Variants in ITPRID1 observed in about 807,000 individuals in gnomAD.
ITPRID1 encodes protein ITPRID1.
Under a neutral mutation model 95.4 loss-of-function variants are expected in ITPRID1, and 96 were observed. The observed-to-expected ratio is 1.01, with a 90% CI of 0.85 to 1.19. The LOEUF (loss-of-function observed/expected upper bound fraction) is 1.19, where lower values mean the gene tolerates loss of function less well. ITPRID1 is among the 50% of genes most tolerant of loss of function. ITPRID1 has a pLI of 0.00. For missense variants in ITPRID1, 1,339 were observed against 1,252.9 expected, an observed-to-expected ratio of 1.07 and a Z score of -1.04; for synonymous variants, 510 against 453.6, an observed-to-expected ratio of 1.12 and a Z score of -1.58.
At chr7:31,521,911 T>A (rs1783275491) in intron 1 of ITPRID1, among the ~76,000 whole-genome samples, 1 of 97,404 alleles carries the variant, frequency 1.0e-5, no homozygotes, top group South Asian at 3.3e-4. Context: ...TTAATTTTTT[T>A]TTTTTTTTTT....
At chr7:31,557,036 C>T (rs951434867) in intron 5 of ITPRID1, among the ~76,000 whole-genome samples, 1 of 151,860 alleles carries the variant, frequency 6.6e-6, no homozygotes, top group Non-Finnish European at 1.5e-5. Context: ...GACTTCATCT[C>T]TACATGGCTT....
chr7:31,651,041 C>CG, intron 12 of ITPRID1, 101 bp from the exon 13 acceptor site: 2 of 1,383,568 alleles, frequency 1.4e-6, no homozygotes, highest in East Asian at 4.9e-5. Context: ...GGCCTGTTTG[C>CG]GAAAAAAGGG....
In ITPRID1 at chr7:31,625,831, A is replaced by AT. The variant is rs568565878; in HGVS notation, c.1229-16339dup. On this transcript the variant is annotated intron_variant, in intron 10 of 14. Coordinates refer to ENST00000615280, the MANE Select transcript of ITPRID1 (RefSeq NM_001257967.3). ...TTCCTTAGAATGTCTTTTTTTTTAA[A>AT]TTTTTTCTTTATAAAGCTATTTTAT... Among the ~76,000 whole-genome samples the AT allele has an allele frequency of 3.6e-3, 550 of 151,802 alleles. 1 individual carries two copies. Among genetic ancestry groups the AT allele is most frequent in the Middle Eastern group, 6.8e-3 (2 of 292 alleles).
intron 9 of ITPRID1, among the ~76,000 whole-genome samples, chr7:31,582,589 T>C (rs1018940005): frequency 2.0e-5 from 3 of 152,176 alleles, no homozygotes; most frequent in Non-Finnish European, 4.4e-5. Flanking sequence ...TCAGTTTCTA[T>C]AATTAGCTGT....
chr7:31,559,874 C>T (rs944417758), intron 5 of ITPRID1, among the ~76,000 whole-genome samples: 1 of 152,134 alleles, frequency 6.6e-6, no homozygotes, highest in Admixed American at 6.5e-5. Context: ...ATTTCCTTGC[C>T]CACAGGAACA....
At chr7:31,585,553 T>C (rs1025865846) in intron 10 of ITPRID1, among the ~76,000 whole-genome samples, 8 of 152,096 alleles carry the variant, frequency 5.3e-5, no homozygotes, top group African/African-American at 1.9e-4. Context: ...GACTAGGACT[T>C]TGTGTGGGAT....
chr7:31,639,772 G>A lies in ITPRID1; in HGVS notation c.1229-2404G>A, dbSNP rs946404603. On this transcript the variant is annotated intron_variant, in intron 10 of 14. Transcript: ENST00000615280. ...AGGCTCGTCTTGAACTCCTGACCTC[G>A]TGATCTGCCTGCCTCAGCCTCCCAA... Among the ~76,000 whole-genome samples, 4 of 151,860 alleles carry A rather than the reference G, an allele frequency of 2.6e-5. No homozygotes were observed. In the South Asian group the frequency reaches 6.3e-4, roughly 24 times the overall value.
chr7:31,563,732 C>T (rs543764991), intron 5 of ITPRID1, among the ~76,000 whole-genome samples: 1 of 151,706 alleles, frequency 6.6e-6, no homozygotes, highest in African/African-American at 2.4e-5. Context: ...TGAACTCAGG[C>T]TTGAGGTGAC....
rs1791184252 is a variant in ITPRID1 at position 31,654,299 on chromosome 7, C to A, written c.*1470C>A. Reference sequence around the variant, plus strand: ...AGAAGGAATGGAAAGTTAACAGGCCCCCAGATGTAGAGATAGCCAGTGCTG... The same window carrying A: ...AGAAGGAATGGAAAGTTAACAGGCCACCAGATGTAGAGATAGCCAGTGCTG... On this transcript the variant is annotated 3_prime_UTR_variant, in exon 15 of 15. Transcript: ENST00000615280. Among the ~76,000 whole-genome samples, 1 of 152,002 alleles carries A rather than the reference C, an allele frequency of 6.6e-6. No homozygotes were observed. Among genetic ancestry groups the A allele is most frequent in the Admixed American group, 6.6e-5 (1 of 15,262 alleles).
intron 5 of ITPRID1, among the ~76,000 whole-genome samples, chr7:31,565,214 G>A (rs558910174): frequency 3.6e-4 from 55 of 152,152 alleles, no homozygotes; most frequent in African/African-American, 1.3e-3. Flanking sequence ...TTGGTCTCCC[G>A]GGACCCTGGG....
chr7:31,549,076 G>A (rs1456926035), intron 1 of ITPRID1, among the ~76,000 whole-genome samples: 1 of 152,132 alleles, frequency 6.6e-6, no homozygotes, highest in Non-Finnish European at 1.5e-5. Flanking sequence ...TTTGGATGCA[G>A]AATGCCTCGG....
intron 10 of ITPRID1, among the ~76,000 whole-genome samples, chr7:31,627,184 C>T (rs1314411233): frequency 1.3e-5 from 2 of 152,184 alleles, no homozygotes; most frequent in Non-Finnish European, 1.5e-5. Flanking sequence ...CCCCGTTGTC[C>T]ATGCAGTGCC....
chr7:31,561,679 C>T (rs758781762), intron 5 of ITPRID1, among the ~76,000 whole-genome samples: 1 of 152,192 alleles, frequency 6.6e-6, no homozygotes, highest in Non-Finnish European at 1.5e-5. Context: ...ATCTTAGCTG[C>T]GTGGCCTGAC....
intron 12 of ITPRID1, among the ~76,000 whole-genome samples, chr7:31,647,106 G>A (rs1790535361): frequency 6.6e-6 from 1 of 152,228 alleles, no homozygotes; most frequent in African/African-American, 2.4e-5. Flanking sequence ...TGGAAAGCAA[G>A]TGGAAATAAG....
chr7:31,600,544 A>C (rs1226705917), intron 10 of ITPRID1, among the ~76,000 whole-genome samples: 1 of 152,338 alleles, frequency 6.6e-6, no homozygotes, highest in South Asian at 2.1e-4. Flanking sequence ...TCCTACAGAA[A>C]AAGGTTAAAG....
intron 10 of ITPRID1, among the ~76,000 whole-genome samples, chr7:31,623,741 A>C (rs1297689130): frequency 1.9e-4 from 29 of 149,248 alleles, no homozygotes; most frequent in South Asian, 4.5e-4. Flanking sequence ...CACCACGCCT[A>C]TTCAACATAG....
intron 1 of ITPRID1, among the ~76,000 whole-genome samples, chr7:31,521,617 TCCC>T (rs138656643): frequency 0.039 from 1,345 of 34,890 alleles, 24 homozygotes; most frequent in East Asian, 0.25. Flanking sequence ...TTTTCTCCTT[TCCC>T]TCCTTCCTTC....
At chr7:31,604,671 T>A (rs994839291) in intron 10 of ITPRID1, among the ~76,000 whole-genome samples, 13 of 152,214 alleles carry the variant, frequency 8.5e-5, no homozygotes, top group African/African-American at 3.1e-4. Flanking sequence ...AGAACTATGC[T>A]AGATATGAAG....
intron 10 of ITPRID1, among the ~76,000 whole-genome samples, chr7:31,618,557 T>A (rs554765506): frequency 2.0e-5 from 3 of 152,116 alleles, no homozygotes; most frequent in Non-Finnish European, 2.9e-5. Context: ...GTAGAGATGA[T>A]GTTAGGAAAG....
Sources: allele counts gnomAD v4.1 joint callset (sites outside exome capture counted in the v4.1 genomes callset), GRCh38; gene constraint gnomAD v4.1.1; transcripts MANE v1.5; gene names NCBI Gene and HGNC (gene_info 2026-07-23, HGNC 2026-07-21).